The following CHTF8 variants were observed in gnomAD, a reference collection of about 807,000 sequenced individuals.
CHTF8 encodes chromosome transmission fidelity factor 8, also known as chromosome transmission fidelity protein 8 homolog.
In CHTF8, 6 loss-of-function variants were observed where a neutral mutation model predicts 11.0. The ratio of observed to expected loss-of-function variants is 0.55; its 90% CI spans 0.30 to 1.08. The LOEUF is 1.08. Among genes scored for constraint, CHTF8 ranks in the 50% least tolerant of loss-of-function variants. The pLI is 0.07. For synonymous variants in CHTF8, 53 were observed against 60.5 expected, an observed-to-expected ratio of 0.88 and a Z score of 0.57; for missense variants, 140 against 153.1, an observed-to-expected ratio of 0.91 and a Z score of 0.45.
At position 69,118,963 on chromosome 16, in the gene CHTF8, A is replaced by G. The variant is rs187155339; in HGVS notation, c.*1462T>C. The G allele has an allele frequency of 1.4e-6, 1 of 703,056 alleles. No homozygotes were observed. The highest frequency in any genetic ancestry group is 2.7e-5 in the East Asian group (1 of 37,282). 43.6% of individuals were successfully genotyped at this position (703,056 alleles called of 1,614,324 possible). ...GCTCCCCACTCTAGGAAATGGGACG[A>G]AACTCTTGCCTGCAGGGCCATTCAT... On this transcript the variant is annotated 3_prime_UTR_variant, in exon 4 of 4. Transcript: ENST00000448552.
At chr16:69,130,996 C>T (rs971505791) in intron 1 of CHTF8, among the ~76,000 whole-genome samples, 1 of 152,184 alleles carries the variant, frequency 6.6e-6, no homozygotes, top group Non-Finnish European at 1.5e-5. Flanking sequence ...GTTTTACATA[C>T]AACCGAATAC....
At chr16:69,132,389 G>A (rs1314605040) in intron 1 of CHTF8, 95 bp downstream of exon 1, 1 of 153,050 alleles carries the variant, frequency 6.5e-6, no homozygotes, top group Non-Finnish European at 1.4e-5. Flanking sequence ...CCCGGCCCCG[G>A]CTCCCTAGCT....
intron 1 of CHTF8, among the ~76,000 whole-genome samples, chr16:69,129,245 A>G (rs1029274885): frequency 6.6e-6 from 1 of 151,802 alleles, no homozygotes; most frequent in Non-Finnish European, 1.5e-5. Flanking sequence ...CCTGGATAAC[A>G]CAGTGAAACC....
Position 69,118,676 on chromosome 16 carries a change from C to CAAAT in CHTF8, c.*1745_*1748dup, listed in dbSNP as rs1183660072. On this transcript the variant is annotated 3_prime_UTR_variant, in exon 4 of 4. Transcript: ENST00000448552. ...CCCACCTGCCACAGTTCACATGCCA[C>CAAAT]AAATAACATCTCACCTTCAGTCAAG... 1.5e-6 allele frequency: 1 copy of CAAAT among 675,724 alleles called. No individual in the cohort carries two copies. The highest frequency in any genetic ancestry group is 2.7e-6 in the Non-Finnish European group (1 of 372,248). The allele number at this position is 675,724 out of a possible 1,614,324, so 41.9% of individuals were successfully genotyped here.
In CHTF8 at chr16:69,125,276, A is replaced by G. The variant is rs1201625715; in HGVS notation, c.-35-3783T>C. On this transcript the variant is annotated intron_variant, in intron 1 of 3. Transcript: ENST00000448552. The stretch of plus-strand genomic sequence containing the variant: ...TTTGAATTTTTACTGTGGAATTTTT[A>G]CTGTGCATATATATTGGTGGTTTCT... Among the ~76,000 whole-genome samples, 6 of 152,262 alleles carry G rather than the reference A, an allele frequency of 3.9e-5. No individual in the cohort carries two copies. The East Asian group carries it at 1.2e-3, about 29-fold the overall frequency.
chr16:69,130,253 G>A (rs531354834), intron 1 of CHTF8, among the ~76,000 whole-genome samples: 24 of 152,026 alleles, frequency 1.6e-4, no homozygotes, highest in African/African-American at 5.5e-4. Flanking sequence ...TGACTCAACG[G>A]TTTAACCTCA....
At chr16:69,124,619 C>T (rs931743871) in intron 1 of CHTF8, among the ~76,000 whole-genome samples, 16 of 151,844 alleles carry the variant, frequency 1.1e-4, no homozygotes, top group African/African-American at 3.9e-4. Context: ...AGGTGATCCA[C>T]CCGCCTCAGC....
intron 1 of CHTF8, among the ~76,000 whole-genome samples, chr16:69,128,419 A>C (rs912692862): frequency 5.3e-5 from 8 of 152,216 alleles, no homozygotes; most frequent in Admixed American, 5.2e-4. Context: ...CCTTGGAAAG[A>C]TAAGAAGGTA....
chr16:69,123,152 G>A (rs915682185), intron 1 of CHTF8, among the ~76,000 whole-genome samples: 6 of 152,110 alleles, frequency 3.9e-5, no homozygotes, highest in Admixed American at 1.3e-4. Flanking sequence ...TACTGCCCGG[G>A]CTTAAGTGAT....
chr16:69,122,572 A>G lies in CHTF8; in HGVS notation c.-35-1079T>C, dbSNP rs1432517039. On this transcript the variant is annotated intron_variant, in intron 1 of 3. Coordinates refer to ENST00000448552, the MANE Select transcript of CHTF8 (RefSeq NM_001039690.5). Reference sequence around the variant, plus strand: ...TTTTTTTTTTTTGGGAGGGAGTCTCACTGTGTCACCCAGGCTGGAGTGCAG... The same window carrying G: ...TTTTTTTTTTTTGGGAGGGAGTCTCGCTGTGTCACCCAGGCTGGAGTGCAG... Among the ~76,000 whole-genome samples the G allele has an allele frequency of 4.3e-5, 6 of 139,704 alleles. No individual in the cohort carries two copies. The East Asian group carries it at 1.2e-3, about 29-fold the overall frequency. The allele number at this position is 139,704 out of a possible 152,430, so 91.7% of individuals were successfully genotyped here. A position where few individuals can be genotyped will look rare whatever the true frequency, so the allele number is the denominator to read the frequency against.
chr16:69,126,875 A>C (rs769509935), intron 1 of CHTF8, among the ~76,000 whole-genome samples: 1 of 151,950 alleles, frequency 6.6e-6, no homozygotes, highest in Non-Finnish European at 1.5e-5. Flanking sequence ...GTAGGTAGGG[A>C]TTCCTGAGTA....
At position 69,120,617 on chromosome 16, in the gene CHTF8, G is replaced by A. The variant is rs201400746; in HGVS notation, c.174C>T (p.Ile58=). 2,095 of 1,612,932 alleles carry A rather than the reference G, an allele frequency of 1.3e-3. 2 individuals are homozygous for A. The highest frequency in any genetic ancestry group is 1.6e-3 in the Non-Finnish European group (1,938 of 1,179,116). ...CCAGGTGGATGATTTTCCCATACAGGATATGATGCCCCACGATCAGCACAG... is the reference window on the plus strand; with the variant it reads ...CCAGGTGGATGATTTTCCCATACAGAATATGATGCCCCACGATCAGCACAG... The part of the protein sequence containing the change: ...GIPVLIVGHH[I]LYGKIIHLEK... The change falls in exon 4 of 4, where the codon ATC becomes ATT. Residue 58 remains isoleucine, a synonymous_variant. Transcript: ENST00000448552. This position sits in a 1 kb window ranked among gnomAD's most constrained non-coding sequence, Gnocchi z 4.0.
intron 1 of CHTF8, 143 bp downstream of exon 1, chr16:69,132,341 C>T (rs1962609801): frequency 6.7e-6 from 1 of 149,708 alleles, no homozygotes; most frequent in Admixed American, 6.7e-5. Context: ...CTCCCCGCCC[C>T]TCGGCTCGCC....
Position 69,118,537 on chromosome 16 carries a change from TC to T in CHTF8, c.*1887del. On this transcript the variant is annotated 3_prime_UTR_variant, in exon 4 of 4. Transcript: ENST00000448552. Reference sequence around the variant, plus strand: ...AGGCCAATGTATCCCTGAGGAAAAGTCCACAAGAACAATTCAAGAAACTAGT... The same window carrying T: ...AGGCCAATGTATCCCTGAGGAAAAGTCACAAGAACAATTCAAGAAACTAGT... The T allele has an allele frequency of 1.1e-6, 1 of 901,710 alleles. No homozygotes were observed. Among genetic ancestry groups the T allele is most frequent in the Non-Finnish European group, 1.9e-6 (1 of 534,760 alleles). The allele number at this position is 901,710 out of a possible 1,614,324, so 55.9% of individuals were successfully genotyped here.
Position 69,118,735 on chromosome 16 carries a change from C to T in CHTF8, c.*1690G>A. ...AAAGGAAAAAGATGGCTCATTTGAA[C>T]TTGAGCCCAAGCTATGTTCTTCAGA... is the stretch of plus-strand genomic sequence containing the variant. On this transcript the variant is annotated 3_prime_UTR_variant, in exon 4 of 4. Transcript: ENST00000448552. 1 of 640,300 alleles carries T rather than the reference C, an allele frequency of 1.6e-6. No homozygotes were observed. The highest frequency in any genetic ancestry group is 2.8e-6 in the Non-Finnish European group (1 of 357,082). The allele number at this position is 640,300 out of a possible 1,614,324, so 39.7% of individuals were successfully genotyped here.
chr16:69,126,600 T>C (rs1302062806), intron 1 of CHTF8, among the ~76,000 whole-genome samples: 1 of 152,238 alleles, frequency 6.6e-6, no homozygotes, highest in Non-Finnish European at 1.5e-5. Context: ...ACTATTGGGA[T>C]GCTGCAGATG....
At chr16:69,121,859 T>C (rs567779088) in intron 1 of CHTF8, among the ~76,000 whole-genome samples, 13 of 151,998 alleles carry the variant, frequency 8.6e-5, no homozygotes, top group Non-Finnish European at 1.6e-4. Context: ...TTAGTAGAGA[T>C]GGGGTTTCAC....
chr16:69,127,943 C>T (rs1399530510), intron 1 of CHTF8, among the ~76,000 whole-genome samples: 1 of 149,860 alleles, frequency 6.7e-6, no homozygotes, highest in African/African-American at 2.5e-5. Context: ...GAGACAGAGT[C>T]TCACTCTGTC....
chr16:69,127,858 C>T (rs1358377706), intron 1 of CHTF8, among the ~76,000 whole-genome samples: 1 of 151,996 alleles, frequency 6.6e-6, no homozygotes, highest in Non-Finnish European at 1.5e-5. Flanking sequence ...GATCTGCCCA[C>T]CTTGGCCTTC....
Sources: allele counts gnomAD v4.1 joint callset (sites outside exome capture counted in the v4.1 genomes callset), GRCh38; gene constraint gnomAD v4.1.1; non-coding constraint Gnocchi (gnomAD v3.1); transcripts MANE v1.5; gene names NCBI Gene and HGNC (gene_info 2026-07-23, HGNC 2026-07-21).